ATP9B: variants seen among roughly 807,000 people sequenced by gnomAD.
ATP9B encodes the protein ATPase phospholipid transporting 9B, also known as probable phospholipid-transporting ATPase IIB.
Under a neutral mutation model 146.1 loss-of-function variants are expected in ATP9B, and 110 were observed. That is an observed-to-expected ratio of 0.75 (90% CI 0.65 to 0.88). The LOEUF is 0.88. Among genes scored for constraint, ATP9B ranks in the 40% least tolerant of loss-of-function variants. The pLI is 0.00. For missense variants in ATP9B, 1,499 were observed against 1,496.4 expected (o/e 1.00, Z -0.03); for synonymous variants, 604 against 569.7 (o/e 1.06, Z -0.86).
chr18:79,275,761 C>T (rs1404225442), intron 12 of ATP9B, among the ~76,000 whole-genome samples: 4 of 152,202 alleles, frequency 2.6e-5, no homozygotes, highest in Non-Finnish European at 5.9e-5. Context: ...GAGTCATCTT[C>T]GCTTAGTGCT....
In ATP9B at chr18:79,088,257, C is replaced by T. The variant is rs1384611606; in HGVS notation, c.120-8219C>T. ...GATTGTGACTTTTACTAAAATAAGACATAACTGTTGAATAACTTAATGAAA... is the reference window on the plus strand; with the variant it reads ...GATTGTGACTTTTACTAAAATAAGATATAACTGTTGAATAACTTAATGAAA... On this transcript the variant is annotated intron_variant, in intron 1 of 29. Transcript: ENST00000426216. 5.3e-5 allele frequency among the ~76,000 whole-genome samples: 8 copies of T among 152,298 alleles called. 1 individual carries two copies. The South Asian group carries it at 1.4e-3, about 28-fold the overall frequency.
intron 19 of ATP9B, chr18:79,340,600 A>G (rs1203336766): frequency 2.6e-5 from 4 of 152,244 alleles, no homozygotes; most frequent in Non-Finnish European, 4.4e-5. Context: ...AATATGATAC[A>G]TAAGAAATCT....
At chr18:79,359,737 T>C (rs1049182000) in intron 26 of ATP9B, 22 of 364,714 alleles carry the variant, frequency 6.0e-5, no homozygotes, top group Non-Finnish European at 1.1e-4. Context: ...GTAAAAGATA[T>C]TCTAACCATT....
rs1480105993 is a variant in ATP9B at position 79,256,278 on chromosome 18, T to C, written c.1268+2737T>C. On this transcript the variant is annotated intron_variant, in intron 12 of 29. Transcript: ENST00000426216. ...CTAGCTATATATATATATATATATA[T>C]ATATATATACATACATAGTGAGGCT... Among the ~76,000 whole-genome samples, 19 of 125,206 alleles carry C rather than the reference T, an allele frequency of 1.5e-4. 1 individual carries two copies. The highest frequency in any genetic ancestry group is 1.2e-3 in the Admixed American group (15 of 12,670). 82.1% of individuals were successfully genotyped at this position (125,206 alleles called of 152,430 possible). A position where few individuals can be genotyped will look rare whatever the true frequency, so the allele number is the denominator to read the frequency against.
At chr18:79,301,917 G>A (rs1308457863) in intron 13 of ATP9B, among the ~76,000 whole-genome samples, 1 of 152,166 alleles carries the variant, frequency 6.6e-6, no homozygotes, top group African/African-American at 2.4e-5. Context: ...TTGAAAGTAA[G>A]CGCTGTGTCC....
chr18:79,221,872 A>C (rs1434795137), intron 11 of ATP9B, among the ~76,000 whole-genome samples: 1 of 105,840 alleles, frequency 9.4e-6, no homozygotes, highest in African/African-American at 3.8e-5. Flanking sequence ...TCTTTGGCCA[A>C]TTTTTTTTTT....
At chr18:79,076,111 A>G (rs944279137) in intron 1 of ATP9B, among the ~76,000 whole-genome samples, 3 of 152,210 alleles carry the variant, frequency 2.0e-5, no homozygotes, top group Non-Finnish European at 2.9e-5. Flanking sequence ...TAGATTTTAC[A>G]TATGTAAAAG....
chr18:79,083,533 G>C (rs1327913924), intron 1 of ATP9B, among the ~76,000 whole-genome samples: 3 of 152,186 alleles, frequency 2.0e-5, no homozygotes, highest in African/African-American at 7.2e-5. Flanking sequence ...GGCCCTGGTG[G>C]TGTAGGCATC....
chr18:79,223,683 C>G (rs1317710643), intron 11 of ATP9B, among the ~76,000 whole-genome samples: 3 of 152,184 alleles, frequency 2.0e-5, no homozygotes, highest in Non-Finnish European at 1.5e-5. Context: ...GGTACATTAG[C>G]ACAGCCTTCA....
At chr18:79,274,410 GT>G (rs1176655963) in intron 12 of ATP9B, among the ~76,000 whole-genome samples, 1 of 152,126 alleles carries the variant, frequency 6.6e-6, no homozygotes, top group Non-Finnish European at 1.5e-5. Context: ...TGTCTACTCT[GT>G]ATGTAGTATT....
At chr18:79,084,732 A>T (rs1168755011) in intron 1 of ATP9B, among the ~76,000 whole-genome samples, 12 of 152,172 alleles carry the variant, frequency 7.9e-5, no homozygotes, top group Admixed American at 7.2e-4. Flanking sequence ...TTTTGCTCTT[A>T]TGTATAAATA....
At chr18:79,283,637 A>G (rs1441008138) in intron 13 of ATP9B, among the ~76,000 whole-genome samples, 2 of 152,252 alleles carry the variant, frequency 1.3e-5, no homozygotes, top group African/African-American at 4.8e-5. Flanking sequence ...ATGTTGCTAT[A>G]GTGACACATC....
chr18:79,150,320 A>T (rs1410851559), intron 6 of ATP9B, among the ~76,000 whole-genome samples: 1 of 152,224 alleles, frequency 6.6e-6, no homozygotes, highest in African/African-American at 2.4e-5. Flanking sequence ...TCTTAAAAAA[A>T]AAAACTGTAA....
At chr18:79,119,622 T>C (rs1191898414) in intron 4 of ATP9B, among the ~76,000 whole-genome samples, 1 of 152,242 alleles carries the variant, frequency 6.6e-6, no homozygotes, top group Non-Finnish European at 1.5e-5. Context: ...ATTTGAATAA[T>C]GCTTGACGTT....
In ATP9B at chr18:79,171,638, G is replaced by A. The variant is rs550793286; in HGVS notation, c.779-5175G>A. Reference sequence around the variant, plus strand: ...ATGTTGACACTGGTACAGTGTGTGCGCGTAAGGCTGTGTTATTTCATCTTG... The same window carrying A: ...ATGTTGACACTGGTACAGTGTGTGCACGTAAGGCTGTGTTATTTCATCTTG... On this transcript the variant is annotated intron_variant, in intron 7 of 29. Transcript: ENST00000426216. Among the ~76,000 whole-genome samples the A allele has an allele frequency of 5.9e-5, 9 of 152,022 alleles. 1 individual carries two copies. The highest frequency in any genetic ancestry group is 1.9e-4 in the East Asian group (1 of 5,160).
chr18:79,318,630 T>G (rs2096696317), intron 15 of ATP9B, among the ~76,000 whole-genome samples: 1 of 152,216 alleles, frequency 6.6e-6, no homozygotes, highest in Non-Finnish European at 1.5e-5. Flanking sequence ...GATTTAAGCT[T>G]TTAAAAATGG....
At chr18:79,178,353 T>C (rs1414859888) in intron 8 of ATP9B, among the ~76,000 whole-genome samples, 1 of 152,216 alleles carries the variant, frequency 6.6e-6, no homozygotes, top group African/African-American at 2.4e-5. Flanking sequence ...TGATATCTTA[T>C]CGTGGCTTCA....
At chr18:79,161,109 T>A (rs1021879443) in intron 7 of ATP9B, among the ~76,000 whole-genome samples, 3 of 152,198 alleles carry the variant, frequency 2.0e-5, no homozygotes, top group African/African-American at 7.2e-5. Context: ...AGCCTCTTAA[T>A]GTTTCACTGC....
chr18:79,069,423 A>T lies in ATP9B; in HGVS notation c.13A>T (p.Ile5Phe), dbSNP rs372988701. The change falls in exon 1 of 30, where the codon ATC becomes TTC. Residue 5 changes from isoleucine to phenylalanine, a missense_variant. Transcript: ENST00000426216. ...GGGCGGTCGGAACATGGCGGACCAG[A>T]TCCCGCTTTACCCGGTGCGTAGCGC... MADQ[I>F]PLYPVRSAAA... The T allele has an allele frequency of 1.3e-5, 20 of 1,518,342 alleles. No homozygotes were observed. In the South Asian group the frequency reaches 2.0e-4, roughly 15 times the overall value. The allele number at this position is 1,518,342 out of a possible 1,614,324, so 94.1% of individuals were successfully genotyped here.
Sources: allele counts gnomAD v4.1 joint callset (sites outside exome capture counted in the v4.1 genomes callset), GRCh38; gene constraint gnomAD v4.1.1; transcripts MANE v1.5; gene names NCBI Gene and HGNC (gene_info 2026-07-23, HGNC 2026-07-21).